The following ABL2 variants were observed in gnomAD, a reference collection of about 807,000 sequenced individuals.
ABL2 encodes the protein ABL proto-oncogene 2, non-receptor tyrosine kinase, also known as tyrosine-protein kinase ABL2.
A neutral mutation model predicts 107.7 loss-of-function variants in ABL2; 49 were observed. The ratio of observed to expected loss-of-function variants is 0.45; its 90% CI spans 0.36 to 0.58. The LOEUF (loss-of-function observed/expected upper bound fraction) is 0.58. ABL2 is among the 20% of genes least tolerant of loss of function. The pLI, the probability that ABL2 is intolerant of heterozygous loss-of-function variation, is 0.00. For synonymous variants in ABL2, 549 were observed against 548.6 expected (o/e 1.00, Z -0.01); for missense variants, 1,245 against 1,457.0 (o/e 0.85, Z 2.37).
At chr1:179,220,507 T>C (rs750985805) in intron 1 of ABL2, among the ~76,000 whole-genome samples, 24 of 152,234 alleles carry the variant, frequency 1.6e-4, no homozygotes, top group Non-Finnish European at 2.9e-4. Context: ...GGTCACTTTG[T>C]CAGGAAAATC....
At chr1:179,114,850 CA>C in intron 9 of ABL2, 27 bp downstream of exon 9, 1 of 1,571,638 alleles carries the variant, frequency 6.4e-7, no homozygotes, top group Non-Finnish European at 8.6e-7. Flanking sequence ...CTTATGCCTT[CA>C]AAATTAAAAC....
At chr1:179,125,800 C>T (rs1296189169) in intron 4 of ABL2, among the ~76,000 whole-genome samples, 1 of 152,274 alleles carries the variant, frequency 6.6e-6, no homozygotes. Context: ...ATAATTCAAC[C>T]TAAATTTACT....
At chr1:179,173,358 ATTTTTT>A (rs554479137) in intron 1 of ABL2, among the ~76,000 whole-genome samples, 15 of 106,138 alleles carry the variant, frequency 1.4e-4, no homozygotes, top group African/African-American at 3.0e-4. Flanking sequence ...AAAGGCTGTA[ATTTTTT>A]TTTTTTTTTT....
At chr1:179,198,922 A>C (rs1661496270) in intron 1 of ABL2, among the ~76,000 whole-genome samples, 1 of 149,700 alleles carries the variant, frequency 6.7e-6, no homozygotes, top group Non-Finnish European at 1.5e-5. Context: ...GCTCACTGCA[A>C]CCTCTGCCTC....
intron 2 of ABL2, among the ~76,000 whole-genome samples, chr1:179,132,606 C>T (rs866722976): frequency 2.0e-5 from 3 of 151,942 alleles, no homozygotes; most frequent in Middle Eastern, 3.4e-3. Context: ...GGCGTGATCT[C>T]GGCTTACTGA....
chr1:179,112,679 T>G (rs983599754), intron 9 of ABL2, among the ~76,000 whole-genome samples: 1 of 151,704 alleles, frequency 6.6e-6, no homozygotes. Flanking sequence ...AGCCTTGACC[T>G]CCTGGGTTCA....
rs761312887 is a variant in ABL2, at chr1:179,117,228, T to G, written c.1408+104A>C. Reference sequence around the variant, plus strand: ...TGAATAACTGAAGAAGAATGGCAGGTAAAGGTAGAGGATACTGAACATCGT... The same window carrying G: ...TGAATAACTGAAGAAGAATGGCAGGGAAAGGTAGAGGATACTGAACATCGT... On this transcript the variant is annotated intron_variant, in intron 8 of 11. Transcript: ENST00000502732. 1.2e-3 allele frequency: 1,340 copies of G among 1,125,718 alleles called. 4 individuals carry two copies. The highest frequency in any genetic ancestry group is 5.7e-3 in the Admixed American group (266 of 46,848). The allele number at this position is 1,125,718 out of a possible 1,614,324, so 69.7% of individuals were successfully genotyped here.
At chr1:179,182,633 T>C (rs765989581) in intron 1 of ABL2, among the ~76,000 whole-genome samples, 6 of 152,250 alleles carry the variant, frequency 3.9e-5, no homozygotes, top group African/African-American at 7.2e-5. Flanking sequence ...TAGTATTCCA[T>C]TGTATACAGA....
At chr1:179,200,013 G>A (rs1295657797) in intron 1 of ABL2, among the ~76,000 whole-genome samples, 1 of 141,104 alleles carries the variant, frequency 7.1e-6, no homozygotes, top group Non-Finnish European at 1.5e-5. Flanking sequence ...TTACAAGCAT[G>A]AGCCACTGCA....
chr1:179,136,361 A>T (rs1656977712), intron 1 of ABL2, among the ~76,000 whole-genome samples: 1 of 152,006 alleles, frequency 6.6e-6, no homozygotes, highest in Admixed American at 6.6e-5. Flanking sequence ...TTTGTTCTGT[A>T]CTAAGAAAAA....
At chr1:179,110,980 C>CTT (rs376797144) in intron 10 of ABL2, 378 of 600,400 alleles carry the variant, frequency 6.3e-4, no homozygotes, top group Non-Finnish European at 7.4e-4. Flanking sequence ...TTATTTTTGG[C>CTT]TTTTTTTTTT....
chr1:179,133,124 T>C (rs747000797), intron 2 of ABL2, among the ~76,000 whole-genome samples, 188 bp downstream of exon 2: 1 of 152,214 alleles, frequency 6.6e-6, no homozygotes, highest in Non-Finnish European at 1.5e-5. Context: ...CCCAAAGTGC[T>C]GGGATTACAA....
chr1:179,105,308 T>C lies in ABL2; in HGVS notation c.*2410A>G, dbSNP rs192040668. On this transcript the variant is annotated 3_prime_UTR_variant, in exon 12 of 12. Coordinates refer to ENST00000502732, the MANE Select transcript of ABL2 (RefSeq NM_007314.4). ...AACTCTCAAGGGAAAATAGAGCCCT[T>C]GCTTAAAAAACAAAAAACAAAAAAA... is the stretch of plus-strand genomic sequence containing the variant. 8.6e-6 allele frequency: 2 copies of C among 231,272 alleles called. No individual in the cohort carries two copies. The highest frequency in any genetic ancestry group is 4.4e-5 in the African/African-American group (2 of 45,300). 14.3% of individuals were successfully genotyped at this position (231,272 alleles called of 1,614,324 possible). A position where few individuals can be genotyped will look rare whatever the true frequency, so the allele number is the denominator to read the frequency against.
chr1:179,116,223 A>C (rs1228366395), intron 8 of ABL2, among the ~76,000 whole-genome samples: 5 of 152,016 alleles, frequency 3.3e-5, no homozygotes, highest in Non-Finnish European at 7.4e-5. Flanking sequence ...CTATGACAAA[A>C]ATTAGCCGGG....
At chr1:179,132,154 A>C (rs983355127) in intron 2 of ABL2, among the ~76,000 whole-genome samples, 1 of 152,214 alleles carries the variant, frequency 6.6e-6, no homozygotes, top group Non-Finnish European at 1.5e-5. Context: ...TTTAAACTCT[A>C]TTTTGTTTTC....
intron 1 of ABL2, among the ~76,000 whole-genome samples, chr1:179,189,843 G>A (rs751688483): frequency 4.6e-5 from 7 of 150,608 alleles, no homozygotes; most frequent in Non-Finnish European, 1.0e-4. Context: ...TTTTTGAGAC[G>A]GAGTTTTGCT....
At chr1:179,213,210 C>T (rs1363716494) in intron 1 of ABL2, among the ~76,000 whole-genome samples, 2 of 151,634 alleles carry the variant, frequency 1.3e-5, no homozygotes, top group African/African-American at 2.4e-5. Context: ...TAATGCAGTA[C>T]TTTATATTCA....
intron 1 of ABL2, chr1:179,201,832 T>C (rs1661686178): frequency 8.4e-7 from 1 of 1,192,886 alleles, no homozygotes; most frequent in Admixed American, 2.2e-5. Flanking sequence ...ATTAACATGG[T>C]GACAGAAGAA....
Position 179,108,288 on chromosome 1 carries a change from C to A in ABL2, c.2979G>T (p.Leu993=), listed in dbSNP as rs763442475. 1 of 1,613,734 alleles carries A rather than the reference C, an allele frequency of 6.2e-7. No individual in the cohort carries two copies. The highest frequency in any genetic ancestry group is 1.7e-5 in the Admixed American group (1 of 59,962). ...APPPPPVMRL[L]QHPSICSDPT... ...GGTCTGAGCAGATGGACGGATGCTG[C>A]AGTAGTCTCATCACTGGTGGTGGGG... The change falls in exon 12 of 12, where the codon CTG becomes CTT. Residue 993 remains leucine (L), a synonymous_variant. Transcript: ENST00000502732.
Sources: allele counts gnomAD v4.1 joint callset (sites outside exome capture counted in the v4.1 genomes callset), GRCh38; gene constraint gnomAD v4.1.1; transcripts MANE v1.5; gene names NCBI Gene and HGNC (gene_info 2026-07-23, HGNC 2026-07-21).